Variants in HS3ST4 observed in about 807,000 individuals in gnomAD.
The protein encoded by HS3ST4 is heparan sulfate-glucosamine 3-sulfotransferase 4, also known as heparan sulfate glucosamine 3-O-sulfotransferase 4.
In HS3ST4, 17 loss-of-function variants were observed where a neutral mutation model predicts 29.2. That is an observed-to-expected ratio of 0.58 (90% CI 0.40 to 0.87). HS3ST4 has a LOEUF of 0.87. Among genes scored for constraint, HS3ST4 ranks in the 40% least tolerant of loss-of-function variants. The probability of loss-of-function intolerance (pLI) is 0.00; values close to 1 mark genes in which losing one functional copy is unlikely to be tolerated. For synonymous variants in HS3ST4, 314 were observed against 285.7 expected (o/e 1.10, Z -1.00); for missense variants, 627 against 634.5 (o/e 0.99, Z 0.13).
At chr16:25,708,078 A>G (rs1347229763) in intron 1 of HS3ST4, among the ~76,000 whole-genome samples, 1 of 152,184 alleles carries the variant, frequency 6.6e-6, no homozygotes, top group Non-Finnish European at 1.5e-5. Flanking sequence ...GGATCTAGTC[A>G]TTGATCCGGT....
rs1455506359 is a variant in HS3ST4, at chr16:25,862,179, T to TTATTTACA, written c.734+169034_734+169035insCATATTTA. 8.7e-4 allele frequency among the ~76,000 whole-genome samples: 46 copies of TTATTTACA among 52,956 alleles called. 2 individuals are homozygous for TTATTTACA. In the East Asian group the frequency reaches 0.024, roughly 27 times the overall value. The allele number at this position is 52,956 out of a possible 152,430, so 34.7% of individuals were successfully genotyped here. On this transcript the variant is annotated intron_variant, in intron 1 of 1. Coordinates refer to ENST00000331351, the MANE Select transcript of HS3ST4 (RefSeq NM_006040.3). ...TTTATTTACATATTTATTTATTTATTTATTTATTTATTTATTTATTTATTT... is the reference window on the plus strand; with the variant it reads ...TTTATTTACATATTTATTTATTTATTTATTTACATATTTATTTATTTATTTATTTATTT...
intron 1 of HS3ST4, among the ~76,000 whole-genome samples, chr16:26,045,762 T>G (rs2141761837): frequency 6.6e-6 from 1 of 152,354 alleles, no homozygotes; most frequent in African/African-American, 2.4e-5. Flanking sequence ...ACTGTTTTCC[T>G]GCACTTTTAT....
chr16:26,112,582 G>T (rs1236719210), intron 1 of HS3ST4, among the ~76,000 whole-genome samples: 1 of 151,502 alleles, frequency 6.6e-6, no homozygotes, highest in African/African-American at 2.4e-5. Context: ...AGATGATAAA[G>T]AAAATGATAA....
chr16:26,062,395 T>C (rs1375527142), intron 1 of HS3ST4, among the ~76,000 whole-genome samples: 2 of 152,204 alleles, frequency 1.3e-5, no homozygotes, highest in East Asian at 3.9e-4. Flanking sequence ...CTTTAATCAA[T>C]GGGATTCTTG....
chr16:25,897,478 G>T lies in HS3ST4; in HGVS notation c.734+204327G>T, dbSNP rs1254420817. 5.3e-5 allele frequency among the ~76,000 whole-genome samples: 8 copies of T among 152,058 alleles called. No individual in the cohort carries two copies. The East Asian group carries it at 1.5e-3, about 29-fold the overall frequency. On this transcript the variant is annotated intron_variant, in intron 1 of 1. Coordinates refer to ENST00000331351, the MANE Select transcript of HS3ST4 (RefSeq NM_006040.3). The stretch of plus-strand genomic sequence containing the variant: ...CCACAAAAATGATAATATAAAATTG[G>T]CCCAAAGGGGCACTTTGGACACAGA...
At chr16:26,122,730 A>G (rs1420801712) in intron 1 of HS3ST4, among the ~76,000 whole-genome samples, 1 of 152,260 alleles carries the variant, frequency 6.6e-6, no homozygotes, top group Non-Finnish European at 1.5e-5. Context: ...AGGCCCATCT[A>G]TGATGCAACC....
chr16:26,111,010 G>A (rs1899121308), intron 1 of HS3ST4, among the ~76,000 whole-genome samples: 1 of 151,960 alleles, frequency 6.6e-6, no homozygotes, highest in Non-Finnish European at 1.5e-5. Flanking sequence ...GTGTGTGCAC[G>A]CGTTTGGGGT....
chr16:25,800,957 A>T (rs1007056549), intron 1 of HS3ST4, among the ~76,000 whole-genome samples: 1 of 152,146 alleles, frequency 6.6e-6, no homozygotes, highest in Admixed American at 6.6e-5. Context: ...ATACCTTTCT[A>T]TTATTTATAA....
At chr16:25,922,278 A>T (rs1184898195) in intron 1 of HS3ST4, among the ~76,000 whole-genome samples, 8 of 152,216 alleles carry the variant, frequency 5.3e-5, no homozygotes, top group Non-Finnish European at 1.0e-4. Context: ...ATGAAGGCTC[A>T]TAAGGGTAGA....
chr16:25,811,422 C>CTTTTTTTTTT (rs5816324), intron 1 of HS3ST4, among the ~76,000 whole-genome samples: 1 of 129,062 alleles, frequency 7.7e-6, no homozygotes, highest in Non-Finnish European at 1.6e-5. Flanking sequence ...TTTTCTTCTT[C>CTTTTTTTTTT]TTTTTTTTTT....
rs548750379 is a variant in HS3ST4 at position 25,805,772 on chromosome 16, T to C, written c.734+112621T>C. On this transcript the variant is annotated intron_variant, in intron 1 of 1. Coordinates refer to ENST00000331351, the MANE Select transcript of HS3ST4 (RefSeq NM_006040.3). ...CAGGTTTGTTACACAGGTAAACGTG[T>C]GCCATGGTGGTTTGCTGCACCTATC... 2.8e-4 allele frequency among the ~76,000 whole-genome samples: 42 copies of C among 152,308 alleles called. No individual in the cohort carries two copies. In the South Asian group the frequency reaches 8.7e-3, roughly 32 times the overall value.
chr16:25,904,754 A>G (rs1462605847), intron 1 of HS3ST4, among the ~76,000 whole-genome samples: 2 of 152,182 alleles, frequency 1.3e-5, no homozygotes, highest in African/African-American at 2.4e-5. Flanking sequence ...ACAGTTATGT[A>G]TCTTTTCTGA....
intron 1 of HS3ST4, among the ~76,000 whole-genome samples, chr16:26,017,524 A>G (rs927433688): frequency 2.0e-5 from 3 of 152,248 alleles, no homozygotes; most frequent in African/African-American, 4.8e-5. Context: ...AATTGTTTGC[A>G]TAGTGATGGA....
At chr16:25,811,736 A>T (rs1015849102) in intron 1 of HS3ST4, among the ~76,000 whole-genome samples, 3 of 152,150 alleles carry the variant, frequency 2.0e-5, no homozygotes, top group African/African-American at 7.2e-5. Context: ...CCCGGCCAGT[A>T]ACATTTTCTT....
chr16:26,031,704 G>GTTT (rs202095804), intron 1 of HS3ST4, among the ~76,000 whole-genome samples: 5,930 of 141,862 alleles, frequency 0.042, 129 homozygotes, highest in Middle Eastern at 0.14. Context: ...ATGGAGGCGT[G>GTTT]TTTTTTTTTT....
At chr16:25,954,838 A>G (rs1968713970) in intron 1 of HS3ST4, among the ~76,000 whole-genome samples, 1 of 152,240 alleles carries the variant, frequency 6.6e-6, no homozygotes, top group Non-Finnish European at 1.5e-5. Context: ...TTCTTGTCCC[A>G]ATCATTTCAT....
intron 1 of HS3ST4, among the ~76,000 whole-genome samples, chr16:26,086,584 C>G (rs548362497): frequency 6.6e-6 from 1 of 152,052 alleles, no homozygotes. Context: ...CTCCCGACCT[C>G]GTGATCCGCC....
At chr16:26,050,532 A>G (rs1898329706) in intron 1 of HS3ST4, among the ~76,000 whole-genome samples, 1 of 152,194 alleles carries the variant, frequency 6.6e-6, no homozygotes, top group Non-Finnish European at 1.5e-5. Flanking sequence ...CATTGAGCAC[A>G]TTTCACATGC....
rs1966268653 is a variant in HS3ST4 at position 25,693,033 on chromosome 16, A to G, written c.616A>G (p.Lys206Glu). 2 of 1,611,456 alleles carry G rather than the reference A, an allele frequency of 1.2e-6. No homozygotes were observed. Among genetic ancestry groups the G allele is most frequent in the Non-Finnish European group, 1.7e-6 (2 of 1,179,122 alleles). Residue 206 changes from lysine to glutamate, a missense_variant, in exon 1 of 2, where the codon AAG becomes GAG. Physicochemically the swap from Lys to Glu is moderately conservative, Grantham distance 56. This residue lies in a region of HS3ST4 where 402 missense variants were observed against 340.8 expected (regional missense o/e 1.18). Transcript: ENST00000331351. ...KLPQALIIGVKKGGTRALLEA... is the reference protein window; with the variant it reads ...KLPQALIIGVEKGGTRALLEA... ...GCCACAGGCGCTCATCATCGGGGTC[A>G]AGAAAGGAGGGACCCGCGCGCTGCT... is the stretch of plus-strand genomic sequence containing the variant.
Sources: allele counts gnomAD v4.1 joint callset (sites outside exome capture counted in the v4.1 genomes callset), GRCh38; gene constraint gnomAD v4.1.1; regional missense constraint gnomAD v4.1.1; transcripts MANE v1.5; gene names NCBI Gene and HGNC (gene_info 2026-07-23, HGNC 2026-07-21).